The following ADGRL2 variants were observed in gnomAD, a reference collection of about 807,000 sequenced individuals.
ADGRL2 encodes the protein adhesion G protein-coupled receptor L2.
Under a neutral mutation model 157.4 loss-of-function variants are expected in ADGRL2, and 44 were observed. That is an observed-to-expected ratio of 0.28 (90% CI 0.22 to 0.36). The LOEUF (loss-of-function observed/expected upper bound fraction) is 0.36. Ranked by LOEUF, ADGRL2 falls within the 10% of genes least tolerant of loss-of-function variation. The pLI, the probability that ADGRL2 is intolerant of heterozygous loss-of-function variation, is 1.00. For synonymous variants in ADGRL2, 585 were observed against 624.7 expected (o/e 0.94, Z 0.95); for missense variants, 1,510 against 1,768.9 (o/e 0.85, Z 2.63).
chr1:81,395,157 C>G (rs565325437), intron 1 of ADGRL2, among the ~76,000 whole-genome samples: 1 of 152,084 alleles, frequency 6.6e-6, no homozygotes, highest in African/African-American at 2.4e-5. Flanking sequence ...GTGATCCACC[C>G]GCTTTGGCCT....
intron 1 of ADGRL2, among the ~76,000 whole-genome samples, chr1:81,439,389 T>G (rs2077466781): frequency 6.6e-6 from 1 of 152,198 alleles, no homozygotes; most frequent in Admixed American, 6.5e-5. Context: ...TTAGCAACCT[T>G]TCTGTCTCTC....
intron 3 of ADGRL2, among the ~76,000 whole-genome samples, chr1:81,611,444 C>A (rs780259653): frequency 5.9e-5 from 9 of 152,162 alleles, no homozygotes; most frequent in Non-Finnish European, 1.0e-4. Flanking sequence ...TTTGTTACTA[C>A]TTTTATTACT....
Position 81,668,714 on chromosome 1 carries a change from C to T in ADGRL2, c.-143+87734C>T, listed in dbSNP as rs936179529. Among the ~76,000 whole-genome samples the T allele has an allele frequency of 4.0e-5, 6 of 148,568 alleles. No individual in the cohort carries two copies. In the East Asian group the frequency reaches 9.9e-4, roughly 25 times the overall value. On this transcript the variant is annotated intron_variant, in intron 3 of 24. Coordinates refer to the ADGRL2 transcript ENST00000370721. The stretch of plus-strand genomic sequence containing the variant: ...AGTAGCTGGGATTACAGGCATGTGC[C>T]ACCAGGCCCGGCTAATTTTTTTTTT...
intron 1 of ADGRL2, among the ~76,000 whole-genome samples, chr1:81,750,761 A>AT (rs1436281971): frequency 1.3e-5 from 2 of 152,108 alleles, no homozygotes; most frequent in Non-Finnish European, 2.9e-5. Flanking sequence ...GAGAAACTAC[A>AT]TTGGACCCTG....
intron 11 of ADGRL2, among the ~76,000 whole-genome samples, chr1:81,964,443 C>T (rs983769524): frequency 1.3e-5 from 2 of 152,066 alleles, no homozygotes; most frequent in African/African-American, 4.8e-5. Context: ...TTAATCTTTC[C>T]AAACAAGTAT....
rs577000504 is a variant in ADGRL2 at position 81,861,744 on chromosome 1, C to T, written c.73+24687C>T. Among the ~76,000 whole-genome samples the T allele has an allele frequency of 6.3e-4, 96 of 152,064 alleles. 1 individual carries two copies. The South Asian group carries it at 0.019, about 30-fold the overall frequency. ...TTTTTACTAAAAATACAAAAACTAGCCAGTTGTGGTGGCGCTTGCCTGTTA... is the reference window on the plus strand; with the variant it reads ...TTTTTACTAAAAATACAAAAACTAGTCAGTTGTGGTGGCGCTTGCCTGTTA... On this transcript the variant is annotated intron_variant, in intron 2 of 23. Coordinates refer to ENST00000686636, the MANE Select transcript of ADGRL2 (RefSeq NM_001366006.2).
chr1:81,813,103 T>G (rs972613181), intron 1 of ADGRL2, among the ~76,000 whole-genome samples: 1 of 151,776 alleles, frequency 6.6e-6, no homozygotes, highest in African/African-American at 2.4e-5. Context: ...CTGCATACAC[T>G]TATTTGTGCC....
intron 2 of ADGRL2, among the ~76,000 whole-genome samples, chr1:81,536,757 G>A (rs750065708): frequency 2.0e-4 from 30 of 152,148 alleles, no homozygotes; most frequent in Non-Finnish European, 3.5e-4. Flanking sequence ...AAATTGGTCT[G>A]TTCTATAAAT....
chr1:81,317,993 C>T (rs895272202), intron 1 of ADGRL2, among the ~76,000 whole-genome samples: 1 of 152,098 alleles, frequency 6.6e-6, no homozygotes, highest in South Asian at 2.1e-4. Flanking sequence ...CCAAATAAAG[C>T]ATCTTTATGT....
At chr1:81,313,958 T>G (rs985450544) in intron 1 of ADGRL2, among the ~76,000 whole-genome samples, 1 of 152,208 alleles carries the variant, frequency 6.6e-6, no homozygotes, top group Non-Finnish European at 1.5e-5. Context: ...AGTATATCAT[T>G]CAAACCTGTT....
At chr1:81,915,993 C>G (rs2094846907) in intron 3 of ADGRL2, among the ~76,000 whole-genome samples, 1 of 152,062 alleles carries the variant, frequency 6.6e-6, no homozygotes, top group South Asian at 2.1e-4. Context: ...TTTTCACTCA[C>G]CTAGAACATT....
chr1:81,540,981 C>A (rs1305362890), intron 2 of ADGRL2, among the ~76,000 whole-genome samples: 2 of 152,024 alleles, frequency 1.3e-5, no homozygotes, highest in Admixed American at 6.6e-5. Context: ...ATGGTATATA[C>A]AATCAATCAA....
At chr1:81,701,170 G>A (rs983782387) in intron 1 of ADGRL2, among the ~76,000 whole-genome samples, 3 of 152,002 alleles carry the variant, frequency 2.0e-5, no homozygotes, top group African/African-American at 4.8e-5. Flanking sequence ...CATTTTCATC[G>A]GTGGCATACC....
chr1:81,918,605 T>C (rs534867033), intron 3 of ADGRL2, among the ~76,000 whole-genome samples: 3 of 152,280 alleles, frequency 2.0e-5, no homozygotes, highest in South Asian at 4.1e-4. Context: ...AGGCACAGGC[T>C]GGAGCAGTGT....
chr1:81,858,813 T>A (rs1272116107), intron 2 of ADGRL2, among the ~76,000 whole-genome samples: 4 of 152,182 alleles, frequency 2.6e-5, no homozygotes, highest in Non-Finnish European at 5.9e-5. Context: ...TTTTCCCGGA[T>A]GTAATATAAA....
chr1:81,930,134 A>T lies in ADGRL2; in HGVS notation c.288-6594A>T, dbSNP rs753024999. Among the ~76,000 whole-genome samples the T allele has an allele frequency of 1.5e-4, 23 of 152,152 alleles. 1 individual carries two copies. Among genetic ancestry groups the T allele is most frequent in the Non-Finnish European group, 2.6e-4 (18 of 68,018 alleles). ...AAACAGTATGCTATATTATTTTTCGATACAATTTATTCTGAGAGTATAAGT... is the reference window on the plus strand; with the variant it reads ...AAACAGTATGCTATATTATTTTTCGTTACAATTTATTCTGAGAGTATAAGT... On this transcript the variant is annotated intron_variant, in intron 3 of 23. Coordinates refer to ENST00000686636, the MANE Select transcript of ADGRL2 (RefSeq NM_001366006.2).
intron 2 of ADGRL2, among the ~76,000 whole-genome samples, chr1:81,478,730 G>A (rs1428203508): frequency 1.3e-5 from 2 of 152,058 alleles, no homozygotes; most frequent in African/African-American, 4.8e-5. Context: ...ACTGCCTCAC[G>A]ATTTCTCTGT....
chr1:81,971,828 C>T (rs1572443959), intron 16 of ADGRL2, 24 bp from the exon 17 acceptor site: 2 of 1,349,266 alleles, frequency 1.5e-6, no homozygotes, highest in Non-Finnish European at 2.1e-6. Flanking sequence ...ACTACTAATG[C>T]ATATTCTTCT....
At chr1:81,642,124 G>A (rs182095363) in intron 3 of ADGRL2, among the ~76,000 whole-genome samples, 97 of 151,136 alleles carry the variant, frequency 6.4e-4, no homozygotes, top group African/African-American at 1.8e-3. Context: ...GGTGGGCACC[G>A]GTAGTACCAG....
Sources: allele counts gnomAD v4.1 joint callset (sites outside exome capture counted in the v4.1 genomes callset), GRCh38; gene constraint gnomAD v4.1.1; transcripts MANE v1.5; gene names NCBI Gene and HGNC (gene_info 2026-07-23, HGNC 2026-07-21).